Variants in PDE8A observed in about 807,000 individuals in gnomAD.
PDE8A encodes the protein high affinity cAMP-specific and IBMX-insensitive 3',5'-cyclic phosphodiesterase 8A.
In PDE8A, 59 loss-of-function variants were observed where a neutral mutation model predicts 105.0. The ratio of observed to expected loss-of-function variants is 0.56; its 90% confidence interval spans 0.46 to 0.70. The LOEUF (loss-of-function observed/expected upper bound fraction) is 0.70. PDE8A is among the 30% of genes least tolerant of loss of function. PDE8A has a pLI of 0.00. For missense variants in PDE8A, 1,014 were observed against 1,045.9 expected (o/e 0.97, Z 0.42); for synonymous variants, 355 against 371.9 (o/e 0.95, Z 0.52).
At chr15:85,044,471 G>A (rs938682475) in intron 1 of PDE8A, among the ~76,000 whole-genome samples, 9 of 152,264 alleles carry the variant, frequency 5.9e-5, no homozygotes, top group African/African-American at 2.2e-4. Context: ...CTTGTGGGTG[G>A]ATCTGGAAAG....
intron 1 of PDE8A, among the ~76,000 whole-genome samples, chr15:84,999,182 G>A (rs2080026263): frequency 6.7e-6 from 1 of 149,022 alleles, no homozygotes; most frequent in African/African-American, 2.5e-5. Context: ...TTTCAGTGGT[G>A]CAATCTTGAC....
upstream of PDE8A, among the ~76,000 whole-genome samples, chr15:84,981,017 C>T (rs779621670): frequency 6.6e-6 from 1 of 152,176 alleles, no homozygotes; most frequent in Non-Finnish European, 1.5e-5. Context: ...CCCAGTTTGA[C>T]TTTCACTACC....
At position 84,993,988 on chromosome 15, in the gene PDE8A, C is replaced by G. The variant is rs559044272; in HGVS notation, c.186+11640C>G. 7.7e-4 allele frequency among the ~76,000 whole-genome samples: 117 copies of G among 152,306 alleles called. 1 individual carries two copies. The highest frequency in any genetic ancestry group is 3.4e-3 in the Middle Eastern group (1 of 294). ...TTTAAATGTTGTCCCCTTAAGTTTTCTCATTTTCTCTTCTGCAGCTCCCTC... is the reference window on the plus strand; with the variant it reads ...TTTAAATGTTGTCCCCTTAAGTTTTGTCATTTTCTCTTCTGCAGCTCCCTC... On this transcript the variant is annotated intron_variant, in intron 1 of 21. Coordinates refer to ENST00000394553, the MANE Select transcript of PDE8A (RefSeq NM_002605.3).
chr15:85,048,167 A>C (rs1338337994), intron 1 of PDE8A, among the ~76,000 whole-genome samples: 3 of 152,070 alleles, frequency 2.0e-5, no homozygotes, highest in Non-Finnish European at 2.9e-5. Context: ...AATATTTTTA[A>C]GTTTTCTAAG....
At chr15:85,117,590 G>C in intron 16 of PDE8A, 51 bp from the exon 17 acceptor site, 2 of 1,488,788 alleles carry the variant, frequency 1.3e-6, no homozygotes, top group South Asian at 2.3e-5. Flanking sequence ...TTAAACACTT[G>C]GCCTGTTTGT....
chr15:85,099,939 C>T (rs1382489346), intron 9 of PDE8A, 76 bp from the exon 10 acceptor site: 11 of 1,229,888 alleles, frequency 8.9e-6, no homozygotes, highest in African/African-American at 1.5e-5. Flanking sequence ...GTGCCATTTT[C>T]GTAATGAAAA....
intron 1 of PDE8A, among the ~76,000 whole-genome samples, chr15:84,997,628 C>T (rs1423658418): frequency 3.3e-5 from 5 of 150,704 alleles, no homozygotes; most frequent in Non-Finnish European, 5.9e-5. Flanking sequence ...GTTTTGCTCT[C>T]GTTGCCCAGG....
chr15:85,000,757 T>C (rs566005394), intron 1 of PDE8A, among the ~76,000 whole-genome samples: 342 of 152,348 alleles, frequency 2.2e-3, no homozygotes, highest in Non-Finnish European at 3.8e-3. Flanking sequence ...AGTGCTTTGC[T>C]CTGGCCCTCA....
chr15:85,038,214 GGGGTGTGTGTGTGTGTGTGTGT>G (rs2080741058), intron 1 of PDE8A, among the ~76,000 whole-genome samples: 3 of 144,154 alleles, frequency 2.1e-5, no homozygotes, highest in Non-Finnish European at 3.1e-5. Context: ...CTCCAATTGG[GGGGTGTGTGTGTGTGTGTGTGT>G]GTGTGTGTGT....
intron 3 of PDE8A, among the ~76,000 whole-genome samples, chr15:85,074,881 C>G (rs780132163): frequency 1.5e-4 from 23 of 152,306 alleles, no homozygotes; most frequent in Admixed American, 1.4e-3. Context: ...TAGACACATT[C>G]TCCAGGAGGC....
At chr15:85,049,189 C>T (rs143294912) in intron 1 of PDE8A, among the ~76,000 whole-genome samples, 19 of 152,270 alleles carry the variant, frequency 1.2e-4, no homozygotes, top group African/African-American at 4.6e-4. Context: ...TGGTAAAATA[C>T]ACATAACGTA....
At chr15:85,099,637 C>T (rs1366891312) in intron 9 of PDE8A, 5 of 206,448 alleles carry the variant, frequency 2.4e-5, no homozygotes, top group Admixed American at 5.4e-5. Flanking sequence ...CCACCAGTGA[C>T]CGTGAGCAGA....
intron 3 of PDE8A, among the ~76,000 whole-genome samples, chr15:85,070,850 G>A (rs945482269): frequency 3.3e-5 from 5 of 152,222 alleles, no homozygotes; most frequent in African/African-American, 1.2e-4. Flanking sequence ...CTGCCAAGTG[G>A]AGAATGGAGT....
intron 1 of PDE8A, among the ~76,000 whole-genome samples, chr15:85,015,829 C>G (rs754660373): frequency 1.1e-4 from 17 of 151,114 alleles, no homozygotes; most frequent in Non-Finnish European, 1.8e-4. Flanking sequence ...TTCTTTATTT[C>G]TCCTTTTGTT....
chr15:85,049,395 C>A (rs1015552407), intron 1 of PDE8A, among the ~76,000 whole-genome samples: 8 of 152,262 alleles, frequency 5.3e-5, no homozygotes, highest in African/African-American at 1.4e-4. Flanking sequence ...TGCTTTCTCT[C>A]TATATATTTT....
At chr15:84,997,979 C>G (rs144223281) in intron 1 of PDE8A, among the ~76,000 whole-genome samples, 1 of 152,278 alleles carries the variant, frequency 6.6e-6, no homozygotes, top group East Asian at 1.9e-4. Context: ...TTCTTAGAAT[C>G]TACTTTTAAG....
chr15:85,089,491 A>C (rs1596506587), intron 7 of PDE8A, 75 bp downstream of exon 7: 1 of 751,292 alleles, frequency 1.3e-6, no homozygotes, highest in East Asian at 2.6e-5. Flanking sequence ...GAACCTCTCC[A>C]ATATGATTTT....
At chr15:84,985,303 CTTAT>C (rs1477750901) in intron 1 of PDE8A, among the ~76,000 whole-genome samples, 1 of 152,198 alleles carries the variant, frequency 6.6e-6, no homozygotes, top group Non-Finnish European at 1.5e-5. Context: ...TCTGTATGAA[CTTAT>C]TTAAGTATTA....
rs1050711350 is a variant in PDE8A at position 85,138,000 on chromosome 15, GA to G, written c.*99del. On this transcript the variant is annotated 3_prime_UTR_variant, in exon 22 of 22. Coordinates refer to ENST00000394553, the MANE Select transcript of PDE8A (RefSeq NM_002605.3). The stretch of plus-strand genomic sequence containing the variant: ...TCCTTGGTCCTTTCAGTACTAGGCA[GA>G]ACAGCCCCCGATCTGCATAGCCTGT... 1.7e-5 allele frequency: 12 copies of G among 726,648 alleles called. No homozygotes were observed. The highest frequency in any genetic ancestry group is 2.7e-5 in the Non-Finnish European group (11 of 413,136). 45.0% of individuals were successfully genotyped at this position (726,648 alleles called of 1,614,324 possible).
Sources: allele counts gnomAD v4.1 joint callset (sites outside exome capture counted in the v4.1 genomes callset), GRCh38; gene constraint gnomAD v4.1.1; transcripts MANE v1.5; gene names NCBI Gene and HGNC (gene_info 2026-07-23, HGNC 2026-07-21).